ERICH6: variants seen among roughly 807,000 people sequenced by gnomAD.
The protein encoded by ERICH6 is glutamate rich 6, also known as glutamate-rich protein 6.
Under a neutral mutation model 71.0 loss-of-function variants are expected in ERICH6, and 71 were observed. The ratio of observed to expected loss-of-function variants is 1.00; its 90% confidence interval spans 0.83 to 1.22. The LOEUF is 1.22. Ranked by LOEUF, ERICH6 falls within the 50% of genes most tolerant of loss-of-function variation. The pLI is 0.00. For missense variants in ERICH6, 808 were observed against 797.2 expected, an observed-to-expected ratio of 1.01 and a Z score of -0.16; for synonymous variants, 262 against 278.4, an observed-to-expected ratio of 0.94 and a Z score of 0.59.
At chr3:150,685,506 C>T (rs1576556948) in intron 6 of ERICH6, among the ~76,000 whole-genome samples, 1 of 152,170 alleles carries the variant, frequency 6.6e-6, no homozygotes, top group Non-Finnish European at 1.5e-5. Context: ...AACTTCTAGT[C>T]TCCATAACTA....
chr3:150,672,169 T>A (rs1711505993), intron 11 of ERICH6, among the ~76,000 whole-genome samples: 1 of 151,068 alleles, frequency 6.6e-6, no homozygotes, highest in Admixed American at 6.6e-5. Context: ...TATCTTTATA[T>A]TTATTGCATA....
chr3:150,666,766 T>G (rs758409573), intron 13 of ERICH6, 21 bp downstream of exon 13: 1 of 1,599,672 alleles, frequency 6.3e-7, no homozygotes, highest in South Asian at 1.1e-5. Context: ...TGCTTTAAAC[T>G]GTTTTTAAAA....
At position 150,698,844 on chromosome 3, in the gene ERICH6, G is replaced by A. The variant is rs1015048069; in HGVS notation, c.500C>T (p.Ser167Leu). The change falls in exon 3 of 14, where the codon TCA (serine) becomes TTA (leucine). Residue 167 changes from serine (S) to leucine (L), a missense_variant. Physicochemically the swap from Ser to Leu is moderately radical, Grantham distance 145 (BLOSUM62 -2). This residue lies in a region of ERICH6 where 736 missense variants were observed against 712.2 expected (regional missense o/e 1.03). Coordinates refer to ENST00000295910, the MANE Select transcript of ERICH6 (RefSeq NM_152394.5). ...GAGCCAACTTTCTTCTGTTTGTACT[G>A]ATACTGGAATTCCTGGAGACAAATT... ...HRNLSPGIPV[S>L]VQTEESWLQD... 6.8e-6 allele frequency: 11 copies of A among 1,613,788 alleles called. No homozygotes were observed. The African/African-American group carries it at 1.3e-4, about 20-fold the overall frequency.
At position 150,703,573 on chromosome 3, in the gene ERICH6, G is replaced by GT. The variant is rs755841944; in HGVS notation, c.325dup (p.Thr109AsnfsTer12). 1 of 1,613,816 alleles carries GT rather than the reference G, an allele frequency of 6.2e-7. No homozygotes were observed. The highest frequency in any genetic ancestry group is 8.5e-7 in the Non-Finnish European group (1 of 1,179,924). ...GGTCGCGCTCTGGCTGGGCACGAAC[G>GT]TAGAGGTCAGGCTAGGGCTGACGAT... On this transcript the variant is annotated frameshift_variant, in exon 1 of 14. Coordinates refer to ENST00000295910, the MANE Select transcript of ERICH6 (RefSeq NM_152394.5). LOFTEE classifies it high-confidence loss of function.
chr3:150,692,528 C>T (rs1362050533), intron 3 of ERICH6, among the ~76,000 whole-genome samples: 1 of 151,916 alleles, frequency 6.6e-6, no homozygotes, highest in Non-Finnish European at 1.5e-5. Context: ...ACATATTTGG[C>T]TTATTTGGTA....
chr3:150,677,257 T>C (rs764826993), intron 10 of ERICH6, among the ~76,000 whole-genome samples: 1 of 152,152 alleles, frequency 6.6e-6, no homozygotes, highest in Non-Finnish European at 1.5e-5. Flanking sequence ...CCTTAAATTC[T>C]ATATCTCCCA....
chr3:150,673,746 GC>G (rs1456064891), intron 11 of ERICH6, among the ~76,000 whole-genome samples: 2 of 151,852 alleles, frequency 1.3e-5, no homozygotes, highest in Non-Finnish European at 2.9e-5. Context: ...GTGCCATCAC[GC>G]CCAGCTAACA....
rs150155678 is a variant in ERICH6 at position 150,666,875 on chromosome 3, C to G, written c.1640G>C (p.Gly547Ala). Reference sequence around the variant, plus strand: ...CTTGTCTTGTTCTAAGATGCGGACTCCAATATAACGGTTCAAAGCCAGAAA... The same window carrying G: ...CTTGTCTTGTTCTAAGATGCGGACTGCAATATAACGGTTCAAAGCCAGAAA... ...PVFLALNRYIGVRILEQDKIS... is the reference protein window; with the variant it reads ...PVFLALNRYIAVRILEQDKIS... Residue 547 changes from glycine to alanine, a missense_variant, in exon 13 of 14, where the codon GGA becomes GCA. Physicochemically the swap from Gly to Ala is moderately conservative, Grantham distance 60. Around this residue, in one of 3 missense-constraint regions of ERICH6, gnomAD observed 736 missense variants for 712.2 expected, o/e 1.03. Coordinates refer to ENST00000295910, the MANE Select transcript of ERICH6 (RefSeq NM_152394.5). 198 of 1,613,986 alleles carry G rather than the reference C, an allele frequency of 1.2e-4. 1 individual carries two copies. The highest frequency in any genetic ancestry group is 1.6e-4 in the Non-Finnish European group (185 of 1,180,020).
chr3:150,693,670 T>C (rs961652357), intron 3 of ERICH6, among the ~76,000 whole-genome samples: 2 of 152,150 alleles, frequency 1.3e-5, no homozygotes, highest in African/African-American at 4.8e-5. Flanking sequence ...CCAAGTATAA[T>C]AAAGCAAACC....
chr3:150,669,290 G>T lies in ERICH6; in HGVS notation c.1499+6C>A, dbSNP rs1463726057. The T allele has an allele frequency of 5.0e-6, 8 of 1,590,184 alleles. No individual in the cohort carries two copies. The highest frequency in any genetic ancestry group is 6.0e-6 in the Non-Finnish European group (7 of 1,171,180). On this transcript the variant is annotated splice_donor_region_variant and intron_variant, in intron 12 of 13. Coordinates refer to ENST00000295910, the MANE Select transcript of ERICH6 (RefSeq NM_152394.5). Reference sequence around the variant, plus strand: ...AAATGGCAGCAGCAGGAACCTAGAAGCTTACCAGACATTTCCATTGGGATG... The same window carrying T: ...AAATGGCAGCAGCAGGAACCTAGAATCTTACCAGACATTTCCATTGGGATG...
At position 150,702,131 on chromosome 3, in the gene ERICH6, T is replaced by C. The variant is rs1014322811; in HGVS notation, c.451A>G (p.Ser151Gly). 1.1e-5 allele frequency: 17 copies of C among 1,573,460 alleles called. No individual in the cohort carries two copies. In the African/African-American group the frequency reaches 2.0e-4, roughly 19 times the overall value. The change falls in exon 2 of 14, where the codon AGT becomes GGT. Residue 151 changes from serine to glycine, a missense_variant. Coordinates refer to ENST00000295910, the MANE Select transcript of ERICH6 (RefSeq NM_152394.5). ...AAAACATTTTCTTACCTATCTATACTCATTTCAGACATGTCTTTCCTAAAT... is the reference window on the plus strand; with the variant it reads ...AAAACATTTTCTTACCTATCTATACCCATTTCAGACATGTCTTTCCTAAAT... ...QTFRKDMSEMSIDRNIHRNLS... is the reference protein window; with the variant it reads ...QTFRKDMSEMGIDRNIHRNLS...
At position 150,680,449 on chromosome 3, in the gene ERICH6, T is replaced by C; in HGVS notation, c.1111+19A>G. 6.2e-7 allele frequency: 1 copy of C among 1,606,746 alleles called. No homozygotes were observed. The highest frequency in any genetic ancestry group is 8.5e-7 in the Non-Finnish European group (1 of 1,173,430). On this transcript the variant is annotated intron_variant, in intron 9 of 13. Transcript: ENST00000295910. ...GACGTTGTACAGCTGGTCTATAAGATCAGCACTAATGAACTCACCATCTTC... is the reference window on the plus strand; with the variant it reads ...GACGTTGTACAGCTGGTCTATAAGACCAGCACTAATGAACTCACCATCTTC...
In ERICH6 at chr3:150,701,270, T is replaced by A. The variant is rs7619456; in HGVS notation, c.461+851A>T. Among the ~76,000 whole-genome samples, 356 of 152,192 alleles carry A rather than the reference T, an allele frequency of 2.3e-3. 2 individuals carry two copies. Among genetic ancestry groups the A allele is most frequent in the African/African-American group, 8.1e-3 (337 of 41,532 alleles). On this transcript the variant is annotated intron_variant, in intron 2 of 13. Coordinates refer to ENST00000295910, the MANE Select transcript of ERICH6 (RefSeq NM_152394.5). ...AAGTAGAGGTTTAAATACCTCGAAG[T>A]CCTAAATGTTAGAAAAACTAAAAAT...
At chr3:150,661,405 T>A (rs1727218502) in intron 13 of ERICH6, among the ~76,000 whole-genome samples, 1 of 152,164 alleles carries the variant, frequency 6.6e-6, no homozygotes, top group Non-Finnish European at 1.5e-5. Flanking sequence ...AAGCAAACTT[T>A]AGTAAGCAGA....
rs1326561541 is a variant in ERICH6 at position 150,703,902 on chromosome 3, T to C, written c.-4A>G. On this transcript the variant is annotated 5_prime_UTR_variant, in exon 1 of 14. Transcript: ENST00000295910. ...TAGGCGAGCGCAAGTGGGCCATGGCTGGCGGGAGGCGGGATTACAGCCAGC... is the reference window on the plus strand; with the variant it reads ...TAGGCGAGCGCAAGTGGGCCATGGCCGGCGGGAGGCGGGATTACAGCCAGC... 2.5e-6 allele frequency: 4 copies of C among 1,613,338 alleles called. No homozygotes were observed. The South Asian group carries it at 4.4e-5, about 18-fold the overall frequency.
In ERICH6 at chr3:150,703,733, C is replaced by T. The variant is rs775122034; in HGVS notation, c.166G>A (p.Val56Met). 4 of 1,598,446 alleles carry T rather than the reference C, an allele frequency of 2.5e-6. No homozygotes were observed. The highest frequency in any genetic ancestry group is 3.4e-6 in the Non-Finnish European group (4 of 1,174,014). ...EEVEEEEEEV[V>M]EEELVGEEQE... ...TCTTCCCCCACCAACTCCTCCTCCA[C>T]CACCTCCTCCTCCTCCTCCTCCACC... is the stretch of plus-strand genomic sequence containing the variant. Residue 56 changes from valine to methionine, a missense_variant, in exon 1 of 14, where the codon GTG (valine) becomes ATG (methionine). By Grantham distance (21) the Val-to-Met change is conservative (BLOSUM62 1). Around this residue, in one of 3 missense-constraint regions of ERICH6, gnomAD observed 19 missense variants for 44.4 expected, o/e 0.43. Coordinates refer to ENST00000295910, the MANE Select transcript of ERICH6 (RefSeq NM_152394.5).
At position 150,680,804 on chromosome 3, in the gene ERICH6, T is replaced by C; in HGVS notation, c.1009A>G (p.Arg337Gly). The C allele has an allele frequency of 6.2e-7, 1 of 1,611,776 alleles. No homozygotes were observed. Among genetic ancestry groups the C allele is most frequent in the Non-Finnish European group, 8.5e-7 (1 of 1,179,468 alleles). Residue 337 changes from arginine (R) to glycine (G), a missense_variant, in exon 8 of 14, where the codon AGA becomes GGA. By Grantham distance (125) the Arg-to-Gly change is moderately radical (BLOSUM62 -2). Transcript: ENST00000295910. The part of the protein sequence containing the change: ...PHAAHGSEVD[R>G]LKAKEKALQR... ...AGGGCTTTTTCTTTTGCCTTGAGTC[T>C]GTCGACCTCACTACCATGGGCTGCA...
Position 150,703,745 on chromosome 3 carries a change from CCTCCTCCTCCACCTCTT to C in ERICH6, c.137_153del (p.Glu46GlyfsTer20). On this transcript the variant is annotated frameshift_variant, in exon 1 of 14. Transcript: ENST00000295910. LOFTEE classifies it high-confidence loss of function. ...AACTCCTCCTCCACCACCTCCTCCT[CCTCCTCCTCCACCTCTT>C]CCTCCTCCTCCTCCACCTCTTCCTC... The C allele has an allele frequency of 6.3e-7, 1 of 1,591,974 alleles. No homozygotes were observed. The highest frequency in any genetic ancestry group is 2.3e-5 in the East Asian group (1 of 44,290).
intron 3 of ERICH6, among the ~76,000 whole-genome samples, chr3:150,691,722 T>G (rs1712442791): frequency 6.6e-6 from 1 of 152,130 alleles, no homozygotes; most frequent in Non-Finnish European, 1.5e-5. Flanking sequence ...TGAGATTATT[T>G]TTTTTTAAAT....
Sources: gnomAD v4.1 joint callset for allele counts (sites outside exome capture counted in the v4.1 genomes callset) on GRCh38, gnomAD v4.1.1 for gene constraint, gnomAD v4.1.1 regional missense constraint, MANE v1.5 for transcripts, NCBI Gene and HGNC (gene_info 2026-07-23, HGNC 2026-07-21) for gene names.